SYNPR: variants seen among roughly 807,000 people sequenced by gnomAD.
SYNPR encodes synaptoporin.
SYNPR carries 23 observed loss-of-function variants against 32.9 expected under a neutral mutation model. That is an observed-to-expected ratio of 0.70 (90% CI 0.50 to 0.99). The LOEUF (loss-of-function observed/expected upper bound fraction) is 0.99. SYNPR is among the 50% of genes least tolerant of loss of function. SYNPR has a pLI of 0.00. For synonymous variants in SYNPR, 146 were observed against 135.9 expected (o/e 1.07, Z -0.52); for missense variants, 318 against 349.3 (o/e 0.91, Z 0.71).
At chr3:63,573,355 T>C (rs970139395) in intron 4 of SYNPR, among the ~76,000 whole-genome samples, 9 of 152,076 alleles carry the variant, frequency 5.9e-5, no homozygotes, top group Non-Finnish European at 1.3e-4. Flanking sequence ...GGAGCCAACC[T>C]CAGAACATTG....
chr3:63,380,698 T>C (rs2087955832), intron 2 of SYNPR, among the ~76,000 whole-genome samples: 1 of 152,128 alleles, frequency 6.6e-6, no homozygotes. Flanking sequence ...AAAAAGCTTA[T>C]CCACCATGAT....
At chr3:63,471,608 G>C (rs1390417875) in intron 2 of SYNPR, among the ~76,000 whole-genome samples, 1 of 152,234 alleles carries the variant, frequency 6.6e-6, no homozygotes, top group Non-Finnish European at 1.5e-5. Flanking sequence ...TGTATAGGGA[G>C]TGGAGCATGA....
At chr3:63,613,983 A>G (rs1448019064) in intron 5 of SYNPR, among the ~76,000 whole-genome samples, 1 of 152,142 alleles carries the variant, frequency 6.6e-6, no homozygotes, top group East Asian at 1.9e-4. Flanking sequence ...TGATAGTCTC[A>G]GATCCAAGTC....
Position 63,288,220 on chromosome 3 carries a change from T to C in SYNPR, c.84+9478T>C, listed in dbSNP as rs547232745. 4.6e-5 allele frequency among the ~76,000 whole-genome samples: 7 copies of C among 152,322 alleles called. No homozygotes were observed. In the East Asian group the frequency reaches 1.3e-3, roughly 29 times the overall value. ...CAAATGCCCACTGCTATCCTGTCAC[T>C]TGTGGCCTGAATAAAAAGGGTCATG... is the stretch of plus-strand genomic sequence containing the variant. On this transcript the variant is annotated intron_variant, in intron 2 of 5. Transcript: ENST00000478300.
chr3:63,297,612 C>A (rs947116914), intron 2 of SYNPR, among the ~76,000 whole-genome samples: 2 of 152,148 alleles, frequency 1.3e-5, no homozygotes, highest in African/African-American at 4.8e-5. Context: ...ATCAGAAAAG[C>A]GCATTGAGAC....
At chr3:63,309,731 C>G (rs1302314418) in intron 2 of SYNPR, among the ~76,000 whole-genome samples, 2 of 151,918 alleles carry the variant, frequency 1.3e-5, no homozygotes, top group Admixed American at 1.3e-4. Flanking sequence ...GGGCAGCCTT[C>G]TCACATGCAT....
intron 2 of SYNPR, among the ~76,000 whole-genome samples, chr3:63,327,266 C>T (rs1454122711): frequency 1.3e-5 from 2 of 152,066 alleles, no homozygotes; most frequent in African/African-American, 4.8e-5. Flanking sequence ...ACAACTAGAA[C>T]TTTTTTACAC....
chr3:63,329,440 C>G (rs952737399), intron 2 of SYNPR, among the ~76,000 whole-genome samples: 13 of 152,120 alleles, frequency 8.5e-5, no homozygotes, highest in Non-Finnish European at 1.6e-4. Context: ...ACCTGCAATG[C>G]AAACCCTCAC....
intron 2 of SYNPR, among the ~76,000 whole-genome samples, chr3:63,451,563 C>T (rs1027942813): frequency 5.9e-5 from 9 of 152,126 alleles, no homozygotes; most frequent in African/African-American, 2.2e-4. Context: ...CCCCATCAGT[C>T]TTGCCATTAC....
At chr3:63,306,679 C>A (rs961770710) in intron 2 of SYNPR, among the ~76,000 whole-genome samples, 1 of 152,000 alleles carries the variant, frequency 6.6e-6, no homozygotes, top group Admixed American at 6.6e-5. Context: ...TCAATCAAAG[C>A]TCTCTCTCCC....
chr3:63,287,260 G>A (rs2086694128), intron 2 of SYNPR, among the ~76,000 whole-genome samples: 1 of 152,114 alleles, frequency 6.6e-6, no homozygotes, highest in Non-Finnish European at 1.5e-5. Flanking sequence ...TTAGGGGCCT[G>A]GTGACGGTTT....
At chr3:63,258,831 C>G (rs1353708506) in intron 2 of SYNPR, among the ~76,000 whole-genome samples, 2 of 151,840 alleles carry the variant, frequency 1.3e-5, no homozygotes, top group Non-Finnish European at 2.9e-5. Flanking sequence ...GCTAGCAAGA[C>G]TAATAAAGAA....
At chr3:63,259,533 C>A (rs1407042142) in intron 2 of SYNPR, among the ~76,000 whole-genome samples, 2 of 152,132 alleles carry the variant, frequency 1.3e-5, no homozygotes, top group Non-Finnish European at 2.9e-5. Context: ...GCCCTTCATG[C>A]TAAAAACTCT....
chr3:63,470,335 A>G (rs1419683336), intron 2 of SYNPR, among the ~76,000 whole-genome samples: 9 of 151,996 alleles, frequency 5.9e-5, no homozygotes, highest in Non-Finnish European at 1.0e-4. Context: ...TGGATACCTC[A>G]TAATTTAATT....
chr3:63,285,884 C>G (rs1360611373), intron 2 of SYNPR, among the ~76,000 whole-genome samples: 1 of 152,098 alleles, frequency 6.6e-6, no homozygotes, highest in East Asian at 1.9e-4. Flanking sequence ...AGGTACCTTG[C>G]TTAGTACCTA....
At chr3:63,491,360 G>C (rs898002694) in intron 3 of SYNPR, among the ~76,000 whole-genome samples, 1 of 152,002 alleles carries the variant, frequency 6.6e-6, no homozygotes, top group African/African-American at 2.4e-5. Flanking sequence ...GGGTCCTTAA[G>C]GCAATCTGAA....
At chr3:63,211,134 T>A in the SYNPR span, among the ~76,000 whole-genome samples, 1 of 152,164 alleles carries the variant, frequency 6.6e-6, no homozygotes, top group Non-Finnish European at 1.5e-5. Context: ...AGTGGCGCGA[T>A]CTTGGCTCAC....
At chr3:63,588,947 A>G (rs896661856) in intron 4 of SYNPR, among the ~76,000 whole-genome samples, 2 of 152,094 alleles carry the variant, frequency 1.3e-5, no homozygotes, top group African/African-American at 4.8e-5. Flanking sequence ...AATTCCCAAG[A>G]AACAAGCAGT....
intron 2 of SYNPR, among the ~76,000 whole-genome samples, chr3:63,399,344 T>C (rs181028934): frequency 2.6e-5 from 4 of 152,350 alleles, no homozygotes; most frequent in African/African-American, 4.8e-5. Flanking sequence ...TGTGCCTGTA[T>C]TCTTGATGGA....
Sources: gnomAD v4.1 joint callset for allele counts (sites outside exome capture counted in the v4.1 genomes callset) on GRCh38, gnomAD v4.1.1 for gene constraint, MANE v1.5 for transcripts, NCBI Gene and HGNC (gene_info 2026-07-23, HGNC 2026-07-21) for gene names.